The following PPP2R2B variants were observed in gnomAD, a reference collection of about 807,000 sequenced individuals.
PPP2R2B encodes the protein serine/threonine-protein phosphatase 2A 55 kDa regulatory subunit B beta isoform.
A neutral mutation model predicts 46.0 loss-of-function variants in PPP2R2B; 5 were observed. The observed-to-expected ratio is 0.11, with a 90% confidence interval of 0.06 to 0.23. The LOEUF (loss-of-function observed/expected upper bound fraction) is 0.23, where lower values mean the gene tolerates loss of function less well. PPP2R2B is among the 10% of genes least tolerant of loss of function. PPP2R2B has a pLI of 1.00. For synonymous variants in PPP2R2B, 215 were observed against 206.7 expected, an observed-to-expected ratio of 1.04 and a Z score of -0.34; for missense variants, 367 against 575.0, an observed-to-expected ratio of 0.64 and a Z score of 3.70.
chr5:146,754,791 A>G (rs1302205606), intron 2 of PPP2R2B, among the ~76,000 whole-genome samples: 1 of 152,162 alleles, frequency 6.6e-6, no homozygotes, highest in African/African-American at 2.4e-5. Flanking sequence ...GTCAATAGCC[A>G]GTGATGGACA....
At chr5:146,962,622 A>G (rs1006800862) in intron 1 of PPP2R2B, among the ~76,000 whole-genome samples, 1 of 151,964 alleles carries the variant, frequency 6.6e-6, no homozygotes, top group African/African-American at 2.4e-5. Context: ...ACGCCATTGC[A>G]CTCCAGACTG....
At chr5:146,831,253 T>G (rs1037733216) in intron 2 of PPP2R2B, among the ~76,000 whole-genome samples, 1 of 152,022 alleles carries the variant, frequency 6.6e-6, no homozygotes, top group South Asian at 2.1e-4. Flanking sequence ...TCTCAGCACT[T>G]TGGGAGGCTG....
intron 2 of PPP2R2B, among the ~76,000 whole-genome samples, chr5:146,789,618 G>A (rs1756061664): frequency 6.6e-6 from 1 of 152,068 alleles, no homozygotes; most frequent in Non-Finnish European, 1.5e-5. Context: ...ACAGTCACGG[G>A]CATGGTCCCT....
chr5:147,069,279 CAA>C (rs1186239799), intron 2 of PPP2R2B, among the ~76,000 whole-genome samples: 2 of 152,044 alleles, frequency 1.3e-5, no homozygotes, highest in African/African-American at 2.4e-5. Context: ...GAAAACAAAA[CAA>C]AAAGAGTTGA....
chr5:146,804,919 G>T (rs1369601122), intron 2 of PPP2R2B, among the ~76,000 whole-genome samples: 2 of 152,098 alleles, frequency 1.3e-5, no homozygotes, highest in African/African-American at 4.8e-5. Flanking sequence ...ATGAAGAAAA[G>T]CATTCTAATA....
chr5:146,650,126 T>A (rs567129062), intron 6 of PPP2R2B, among the ~76,000 whole-genome samples: 1 of 152,300 alleles, frequency 6.6e-6, no homozygotes, highest in East Asian at 1.9e-4. Context: ...ACTCAATAAA[T>A]GTCAGTCACT....
intron 2 of PPP2R2B, among the ~76,000 whole-genome samples, chr5:146,724,446 C>T (rs1178010583): frequency 6.6e-6 from 1 of 151,996 alleles, no homozygotes; most frequent in Non-Finnish European, 1.5e-5. Context: ...TGTTATAATG[C>T]AAAGAATTCA....
intron 1 of PPP2R2B, among the ~76,000 whole-genome samples, chr5:146,990,192 A>C (rs1753632139): frequency 6.6e-6 from 1 of 151,754 alleles, no homozygotes; most frequent in African/African-American, 2.4e-5. Context: ...ATTTCTGTCA[A>C]AATACCAATG....
At chr5:146,878,846 T>A, upstream of PPP2R2B, 1 of 1,217,130 alleles carries the variant, frequency 8.2e-7, no homozygotes, top group Admixed American at 2.8e-5. The surrounding 1 kb of genome is among the most constrained non-coding windows in gnomAD (Gnocchi z 4.5). Flanking sequence ...GCAGCAGTGG[T>A]GGCCGAGGCA....
chr5:146,793,700 C>G (rs1756353372), intron 2 of PPP2R2B, among the ~76,000 whole-genome samples: 2 of 152,138 alleles, frequency 1.3e-5, no homozygotes, highest in African/African-American at 2.4e-5. Flanking sequence ...CCCAATATTG[C>G]TGCCTATTCC....
chr5:146,786,065 C>A (rs1755819134), intron 2 of PPP2R2B, among the ~76,000 whole-genome samples: 1 of 152,056 alleles, frequency 6.6e-6, no homozygotes. Flanking sequence ...ATAATAAAAT[C>A]TTTGAGGTGA....
At chr5:147,060,914 T>C (rs1757238327), upstream of PPP2R2B, among the ~76,000 whole-genome samples, 1 of 152,158 alleles carries the variant, frequency 6.6e-6, no homozygotes, top group Non-Finnish European at 1.5e-5. Context: ...GTTTGATAAG[T>C]ACATGCTGGA....
At chr5:146,844,513 G>C (rs2151375460) in intron 2 of PPP2R2B, among the ~76,000 whole-genome samples, 1 of 152,260 alleles carries the variant, frequency 6.6e-6, no homozygotes, top group South Asian at 2.1e-4. Context: ...ATGCACCTGT[G>C]AGCATTCATT....
At chr5:147,056,846 G>A (rs1757102851), upstream of PPP2R2B, among the ~76,000 whole-genome samples, 1 of 152,148 alleles carries the variant, frequency 6.6e-6, no homozygotes, top group African/African-American at 2.4e-5. Context: ...AAAGCACAGG[G>A]CTTCAGTTTG....
intron 1 of PPP2R2B, among the ~76,000 whole-genome samples, chr5:146,970,863 C>G (rs1323847210): frequency 1.3e-5 from 2 of 150,260 alleles, no homozygotes; most frequent in Non-Finnish European, 3.0e-5. Flanking sequence ...TTTTTTTTTT[C>G]CTGTAGGAAA....
At chr5:146,711,576 G>C (rs1012952610) in intron 2 of PPP2R2B, among the ~76,000 whole-genome samples, 1 of 152,178 alleles carries the variant, frequency 6.6e-6, no homozygotes, top group Non-Finnish European at 1.5e-5. Context: ...AGATGGGTTG[G>C]GGGAGAGAGG....
chr5:146,908,318 GGAAGA>G (rs1374491559), intron 1 of PPP2R2B, among the ~76,000 whole-genome samples: 1 of 152,090 alleles, frequency 6.6e-6, no homozygotes, highest in Non-Finnish European at 1.5e-5. Context: ...AATTCAACAT[GGAAGA>G]GAAAAGTCTG....
intron 1 of PPP2R2B, chr5:147,054,596 A>G (rs1375933413): frequency 2.2e-6 from 1 of 456,068 alleles, no homozygotes; most frequent in Non-Finnish European, 4.4e-6. Flanking sequence ...ATAAAAAATT[A>G]CCTTATGATA....
At chr5:146,798,044 G>C (rs1258233298) in intron 2 of PPP2R2B, among the ~76,000 whole-genome samples, 1 of 152,116 alleles carries the variant, frequency 6.6e-6, no homozygotes, top group Non-Finnish European at 1.5e-5. Flanking sequence ...ATCCGAGACA[G>C]GCATTTGTCT....
Sources: allele counts gnomAD v4.1 joint callset (sites outside exome capture counted in the v4.1 genomes callset), GRCh38; gene constraint gnomAD v4.1.1; non-coding constraint Gnocchi (gnomAD v3.1); transcripts MANE v1.5; gene names NCBI Gene and HGNC (gene_info 2026-07-23, HGNC 2026-07-21).